Variants in MADD observed in about 807,000 individuals in gnomAD.
MADD encodes MAP kinase-activating death domain protein.
MADD carries 109 observed loss-of-function variants against 176.7 expected under a neutral mutation model. That is an observed-to-expected ratio of 0.62 (90% confidence interval 0.53 to 0.72). MADD has a LOEUF of 0.72. Among genes scored for constraint, MADD ranks in the 30% least tolerant of loss-of-function variants. The pLI is 0.00. For synonymous variants in MADD, 771 were observed against 771.3 expected (o/e 1.00, Z 0.01); for missense variants, 1,914 against 2,045.5 (o/e 0.94, Z 1.24).
chr11:47,328,494 C>T, intron 31 of MADD, 164 bp from the exon 36 acceptor site: 1 of 1,488,260 alleles, frequency 6.7e-7, no homozygotes, highest in Non-Finnish European at 8.9e-7. Flanking sequence ...TGGACAGAGC[C>T]TCTGGTGGCC....
rs2094586118 is a variant in MADD, at chr11:47,322,291, TC to T, written c.4198-1377del. ...CCCTTCACCATTGTGCTGTAATGTC[TC>T]CCGTAACATTTGAAGCCTTAAGAAC... On this transcript the variant is annotated intron_variant, in intron 27 of 32. Transcript: ENST00000402192. 4.6e-5 allele frequency among the ~76,000 whole-genome samples: 7 copies of T among 152,100 alleles called. No homozygotes were observed. In the South Asian group the frequency reaches 1.5e-3, roughly 32 times the overall value.
At chr11:47,327,793 C>T (rs1223889190) in intron 31 of MADD, 1 of 985,322 alleles carries the variant, frequency 1.0e-6, no homozygotes, top group African/African-American at 1.7e-5. Flanking sequence ...CAATTCTCCT[C>T]CTGCCTTTTC....
At chr11:47,327,195 A>G (rs2095540051) in intron 31 of MADD, 2 of 1,006,394 alleles carry the variant, frequency 2.0e-6, no homozygotes, top group Admixed American at 1.1e-4. Flanking sequence ...CCAGTGCGCT[A>G]GCCAGCCTCC....
exon 25 of MADD, chr11:47,309,538 C>T (rs750907979): frequency 1.9e-6 from 3 of 1,614,082 alleles, no homozygotes; most frequent in Non-Finnish European, 2.5e-6. Context: ...TGACCGGAAG[C>T]GCCTGGAAGA....
intron 19 of MADD, among the ~76,000 whole-genome samples, chr11:47,291,545 T>TA (rs1275845818): frequency 6.6e-6 from 1 of 152,180 alleles, no homozygotes. Context: ...GCCATGGCCA[T>TA]TAGCAGTTGC....
At position 47,325,583 on chromosome 11, in the gene MADD, G is replaced by A. The variant is rs2095356713; in HGVS notation, c.4542+1006G>A. ...TTAACAGGAAATGGCTGCGCAGGCTGCCAGCAGCCCCTTAGTATATTTTCA... is the reference window on the plus strand; with the variant it reads ...TTAACAGGAAATGGCTGCGCAGGCTACCAGCAGCCCCTTAGTATATTTTCA... On this transcript the variant is annotated intron_variant, in intron 30 of 32. Coordinates refer to ENST00000402192, the Ensembl canonical transcript of MADD. The surrounding 1 kb of genome is among the most constrained non-coding windows in gnomAD (Gnocchi z 4.5). 1.3e-5 allele frequency among the ~76,000 whole-genome samples: 2 copies of A among 152,254 alleles called. No homozygotes were observed. Among genetic ancestry groups the A allele is most frequent in the Admixed American group, 1.3e-4 (2 of 15,284 alleles).
At chr11:47,326,775 C>T in exon 31 of MADD, 1 of 1,614,148 alleles carries the variant, frequency 6.2e-7, no homozygotes, top group Middle Eastern at 1.6e-4. Flanking sequence ...AAGTGCAATA[C>T]AGTTCGAGGC....
exon 14 of MADD, chr11:47,285,525 G>T (rs372797572): frequency 6.2e-6 from 10 of 1,614,062 alleles, no homozygotes; most frequent in Non-Finnish European, 8.5e-6. Context: ...TCTCGGGCAA[G>T]CTCTCCCAAC....
rs2095621641 is a variant in MADD at position 47,327,824 on chromosome 11, G to C, written c.4613-834G>C. 7 of 985,318 alleles carry C rather than the reference G, an allele frequency of 7.1e-6. No homozygotes were observed. The South Asian group carries it at 3.3e-4, about 46-fold the overall frequency. 61.0% of individuals were successfully genotyped at this position (985,318 alleles called of 1,614,324 possible). A position where few individuals can be genotyped will look rare whatever the true frequency, so the allele number is the denominator to read the frequency against. ...TTTTCTGGCCCCCAGGGAGATGCCA[G>C]GCCCCTCTGCTCCCAGTCTCAAGGG... is the stretch of plus-strand genomic sequence containing the variant. On this transcript the variant is annotated intron_variant, in intron 31 of 32. Coordinates refer to ENST00000402192, the Ensembl canonical transcript of MADD.
chr11:47,306,881 A>T (rs1373641617), intron 22 of MADD, among the ~76,000 whole-genome samples: 1 of 151,794 alleles, frequency 6.6e-6, no homozygotes, highest in African/African-American at 2.4e-5. Flanking sequence ...GTAACTTTTT[A>T]AAAATGTTTA....
chr11:47,284,877 CTG>C (rs1374966028), intron 12 of MADD, 62 bp from the exon 13 acceptor site: 1 of 1,593,430 alleles, frequency 6.3e-7, no homozygotes, highest in African/African-American at 1.3e-5. Context: ...CCCTGCCAAA[CTG>C]GGATTACAGG....
exon 19 of MADD, chr11:47,290,633 C>T (rs776978286): frequency 1.9e-6 from 3 of 1,613,868 alleles, no homozygotes; most frequent in Admixed American, 1.7e-5. Flanking sequence ...GAAGAGAAGT[C>T]CAACAGAAAG....
chr11:47,323,559 G>A, intron 27 of MADD, 112 bp from the exon 31 acceptor site: 4 of 1,084,610 alleles, frequency 3.7e-6, no homozygotes, highest in East Asian at 4.8e-5. Context: ...TGAGCGTAAG[G>A]CAGAAAACCT....
chr11:47,294,671 A>G (rs1351783831), intron 20 of MADD, among the ~76,000 whole-genome samples: 13 of 127,466 alleles, frequency 1.0e-4, no homozygotes, highest in African/African-American at 3.6e-4. Flanking sequence ...CTCCGTCTCA[A>G]AAAAAAAAAA....
intron 27 of MADD, among the ~76,000 whole-genome samples, chr11:47,320,468 A>T (rs12222581): frequency 0.33 from 49,661 of 151,202 alleles, 9,231 homozygotes; most frequent in East Asian, 0.64. Flanking sequence ...AAAAAAATTT[A>T]AAAAAATGAA....
chr11:47,271,926 A>G (rs1565236032), intron 1 of MADD: 1 of 152,162 alleles, frequency 6.6e-6, no homozygotes, highest in Non-Finnish European at 1.5e-5. Context: ...TGGGAGAACC[A>G]AGGGACTATT....
At chr11:47,326,349 C>T (rs1163732777) in intron 30 of MADD, among the ~76,000 whole-genome samples, 195 bp from the exon 34 acceptor site, 1 of 152,188 alleles carries the variant, frequency 6.6e-6, no homozygotes. Context: ...CAGCCCTCTG[C>T]GCCGGAGGAG....
rs878888120 is a variant in MADD at position 47,276,780 on chromosome 11, G to A, written c.1012G>A (p.Ala338Thr). The A allele has an allele frequency of 1.9e-6, 3 of 1,614,136 alleles. No homozygotes were observed. The Admixed American group carries it at 5.0e-5, about 27-fold the overall frequency. ...CAATGCACTCTCCATGTCTGTGATG[G>A]CATTCGTGGCAATGATCTACCCACT... The change falls in exon 5 of 33, where the codon GCA (alanine) becomes ACA (threonine). Residue 338 changes from alanine to threonine, a missense_variant. By Grantham distance (58) the Ala-to-Thr change is moderately conservative (BLOSUM62 0). Transcript: ENST00000402192.
chr11:47,306,737 CCA>C (rs1250172324), intron 22 of MADD, among the ~76,000 whole-genome samples: 1 of 152,136 alleles, frequency 6.6e-6, no homozygotes, highest in Non-Finnish European at 1.5e-5. Context: ...TGATACACCC[CCA>C]CAGTCTCCCT....
Sources: allele counts gnomAD v4.1 joint callset (sites outside exome capture counted in the v4.1 genomes callset), GRCh38; gene constraint gnomAD v4.1.1; non-coding constraint Gnocchi (gnomAD v3.1); transcripts MANE v1.5; gene names NCBI Gene and HGNC (gene_info 2026-07-23, HGNC 2026-07-21).